The following MEGF6 variants were observed in gnomAD, a reference collection of about 807,000 sequenced individuals.
MEGF6 encodes multiple EGF like domains 6, also known as multiple epidermal growth factor-like domains protein 6.
In MEGF6, 184 loss-of-function variants were observed where a neutral mutation model predicts 207.1. The ratio of observed to expected loss-of-function variants is 0.89; its 90% CI spans 0.79 to 1.00. The LOEUF (loss-of-function observed/expected upper bound fraction) is 1.00. Among genes scored for constraint, MEGF6 ranks in the 50% least tolerant of loss-of-function variants. MEGF6 has a pLI of 0.00. For missense variants in MEGF6, 2,282 were observed against 2,202.9 expected (o/e 1.04, Z -0.72); for synonymous variants, 1,038 against 910.0 (o/e 1.14, Z -2.53).
chr1:3,611,168 G>A lies in MEGF6; in HGVS notation c.101C>T (p.Pro34Leu). 1 of 1,540,578 alleles carries A rather than the reference G, an allele frequency of 6.5e-7. No homozygotes were observed. The highest frequency in any genetic ancestry group is 1.2e-5 in the South Asian group (1 of 85,102). Residue 34 changes from proline to leucine, a missense_variant, in exon 1 of 37, where the codon CCG (proline) becomes CTG (leucine). Transcript: ENST00000356575. ...GGGCTGCAGCGGGAGCAGGGGCCGC[G>A]GCGGAACGCTGGCGCCCACGGGCAC... The part of the protein sequence containing the change: ...PAVPVGASVP[P>L]RPLLPLQPGM...
rs200510938 is a variant in MEGF6, at chr1:3,515,480, C to T, written c.652G>A (p.Val218Ile). ...LGNGGCQHHC[V>I]QLTITRHRCQ... ...CGATGCCGAGTGATTGTGAGCTGGA[C>T]ACAGTGGTGCTGGCAGCCGCCATTG... The change falls in exon 6 of 37, where the codon GTC becomes ATC. Residue 218 changes from valine to isoleucine, a missense_variant. Val to Ile is a conservative substitution (Grantham distance 29, BLOSUM62 3). Coordinates refer to ENST00000356575, the MANE Select transcript of MEGF6 (RefSeq NM_001409.4). 166 of 1,612,772 alleles carry T rather than the reference C, an allele frequency of 1.0e-4. No homozygotes were observed. Among genetic ancestry groups the T allele is most frequent in the Non-Finnish European group, 1.3e-4 (155 of 1,179,940 alleles).
chr1:3,579,942 G>A lies in MEGF6; in HGVS notation c.377-13C>T. The A allele has an allele frequency of 6.7e-7, 1 of 1,502,052 alleles. No individual in the cohort carries two copies. The highest frequency in any genetic ancestry group is 8.9e-7 in the Non-Finnish European group (1 of 1,129,582). The allele number at this position is 1,502,052 out of a possible 1,614,324, so 93.0% of individuals were successfully genotyped here. On this transcript the variant is annotated splice_polypyrimidine_tract_variant and intron_variant, in intron 3 of 36. Coordinates refer to ENST00000356575, the MANE Select transcript of MEGF6 (RefSeq NM_001409.4). Reference sequence around the variant, plus strand: ...GCGCTGCATTCAGCTGCGGAGGGAAGGAGAAAATCGGTGAGAGGGGCAAGG... The same window carrying A: ...GCGCTGCATTCAGCTGCGGAGGGAAAGAGAAAATCGGTGAGAGGGGCAAGG...
intron 5 of MEGF6, among the ~76,000 whole-genome samples, chr1:3,517,211 T>C (rs983384663): frequency 3.9e-5 from 6 of 152,156 alleles, no homozygotes; most frequent in African/African-American, 7.2e-5. Flanking sequence ...ACAGAGCCCA[T>C]GGCAGGGAAG....
chr1:3,589,106 G>A (rs1394948828), intron 3 of MEGF6, among the ~76,000 whole-genome samples: 1 of 152,180 alleles, frequency 6.6e-6, no homozygotes, highest in Non-Finnish European at 1.5e-5. Flanking sequence ...TATAGAAAAG[G>A]CCCCAGAGAC....
At chr1:3,612,267 G>A (rs947436105), upstream of MEGF6, among the ~76,000 whole-genome samples, 8 of 151,136 alleles carry the variant, frequency 5.3e-5, no homozygotes, top group African/African-American at 2.0e-4. Context: ...CAGACAGGAG[G>A]AGGCGCTAAT....
intron 35 of MEGF6, 110 bp downstream of exon 35, chr1:3,492,529 G>A: frequency 6.7e-7 from 1 of 1,484,006 alleles, no homozygotes; most frequent in Non-Finnish European, 9.2e-7. Context: ...TAGCCATAGG[G>A]TGACCCGGCC....
intron 4 of MEGF6, among the ~76,000 whole-genome samples, chr1:3,537,906 G>C (rs1421248540): frequency 5.3e-5 from 8 of 152,094 alleles, no homozygotes; most frequent in Non-Finnish European, 1.2e-4. Flanking sequence ...GGAGGGGCTG[G>C]GACCAGGCTT....
At chr1:3,533,583 G>C (rs961115929) in intron 4 of MEGF6, among the ~76,000 whole-genome samples, 2 of 152,214 alleles carry the variant, frequency 1.3e-5, no homozygotes, top group African/African-American at 4.8e-5. Context: ...AGGCTTGAGA[G>C]GGGTGCAGGG....
chr1:3,560,881 AG>A lies in MEGF6; in HGVS notation c.481+18943del. The A allele has an allele frequency of 2.3e-6, 1 of 441,306 alleles. No homozygotes were observed. The highest frequency in any genetic ancestry group is 1.7e-5 in the South Asian group (1 of 60,226). 27.3% of individuals were successfully genotyped at this position (441,306 alleles called of 1,614,324 possible). A position where few individuals can be genotyped will look rare whatever the true frequency, so the allele number is the denominator to read the frequency against. On this transcript the variant is annotated intron_variant, in intron 4 of 36. Coordinates refer to ENST00000356575, the MANE Select transcript of MEGF6 (RefSeq NM_001409.4). The surrounding 1 kb of genome is among the most constrained non-coding windows in gnomAD (Gnocchi z 4.0). Reference sequence around the variant, plus strand: ...GCTGGTCCCCCAGGTCTCTACGCGAAGGGGGTGCTGGGCTCTACCCCCAGGC... The same window carrying A: ...GCTGGTCCCCCAGGTCTCTACGCGAAGGGGTGCTGGGCTCTACCCCCAGGC...
intron 4 of MEGF6, among the ~76,000 whole-genome samples, chr1:3,537,720 AC>A (rs1642378121): frequency 1.3e-5 from 2 of 151,976 alleles, no homozygotes; most frequent in Admixed American, 1.3e-4. Flanking sequence ...CTCTCATCCC[AC>A]CCCTGCCCTG....
rs1238855521 is a variant in MEGF6, at chr1:3,539,939, CG to C, written c.482-15694del. Among the ~76,000 whole-genome samples the C allele has an allele frequency of 2.6e-5, 4 of 152,296 alleles. No individual in the cohort carries two copies. In the South Asian group the frequency reaches 8.3e-4, roughly 32 times the overall value. On this transcript the variant is annotated intron_variant, in intron 4 of 36. Coordinates refer to ENST00000356575, the MANE Select transcript of MEGF6 (RefSeq NM_001409.4). ...AGCCTGCGAGAGTTACGCAGGCCCC[CG>C]GGGTCGCACCTGTCCAGCATCGAGG... is the stretch of plus-strand genomic sequence containing the variant.
chr1:3,549,665 C>G (rs1038511994), intron 4 of MEGF6, among the ~76,000 whole-genome samples: 1 of 152,230 alleles, frequency 6.6e-6, no homozygotes, highest in East Asian at 1.9e-4. Flanking sequence ...CCCCACAGCT[C>G]ACCCCGCTCT....
intron 3 of MEGF6, among the ~76,000 whole-genome samples, chr1:3,583,242 T>G (rs2101772955): frequency 6.6e-6 from 1 of 151,860 alleles, no homozygotes; most frequent in South Asian, 2.1e-4. Flanking sequence ...CAGCATCCCC[T>G]CCGCACTGCA....
At chr1:3,542,110 G>A (rs572577087) in intron 4 of MEGF6, among the ~76,000 whole-genome samples, 2 of 152,044 alleles carry the variant, frequency 1.3e-5, no homozygotes, top group South Asian at 2.1e-4. Context: ...CCCGTTTCCC[G>A]TGATCCGTCC....
chr1:3,564,531 GCCCA>G (rs1414156575), intron 4 of MEGF6, among the ~76,000 whole-genome samples: 138 of 152,094 alleles, frequency 9.1e-4, no homozygotes, highest in African/African-American at 2.0e-3. Flanking sequence ...CCTCTCCTGT[GCCCA>G]GCACTGGCCT....
upstream of MEGF6, among the ~76,000 whole-genome samples, chr1:3,612,557 G>A (rs1285191105): frequency 6.6e-6 from 1 of 152,198 alleles, no homozygotes; most frequent in Non-Finnish European, 1.5e-5. Flanking sequence ...ATGGGGGCCA[G>A]GTGTGGCCCC....
chr1:3,557,012 G>A (rs966766605), intron 4 of MEGF6, among the ~76,000 whole-genome samples: 2 of 152,196 alleles, frequency 1.3e-5, no homozygotes, highest in Non-Finnish European at 2.9e-5. Context: ...AAGGCAGGAG[G>A]GAAGGTCGGA....
At chr1:3,602,323 C>T (rs1424872212) in intron 2 of MEGF6, 143 bp downstream of exon 2, 6 of 1,283,864 alleles carry the variant, frequency 4.7e-6, no homozygotes, top group Non-Finnish European at 6.4e-6. Context: ...AGGCCTCATG[C>T]TCAGATGAGG....
chr1:3,500,192 C>T (rs748472917), intron 21 of MEGF6, among the ~76,000 whole-genome samples: 3 of 152,218 alleles, frequency 2.0e-5, no homozygotes, highest in South Asian at 2.1e-4. Flanking sequence ...AGGCCTCCCC[C>T]GATTCCACCA....
Sources: gnomAD v4.1 joint callset for allele counts (sites outside exome capture counted in the v4.1 genomes callset) on GRCh38, gnomAD v4.1.1 for gene constraint, Gnocchi (gnomAD v3.1) non-coding constraint, MANE v1.5 for transcripts, NCBI Gene and HGNC (gene_info 2026-07-23, HGNC 2026-07-21) for gene names.